Variants in MAP2K6 observed in about 807,000 individuals in gnomAD.
MAP2K6 encodes the protein dual specificity mitogen-activated protein kinase kinase 6.
MAP2K6 carries 16 observed loss-of-function variants against 53.7 expected under a neutral mutation model. The ratio of observed to expected loss-of-function variants is 0.30; its 90% CI spans 0.20 to 0.45. The LOEUF is 0.45. MAP2K6 is among the 20% of genes least tolerant of loss of function. MAP2K6 has a pLI of 1.00. For synonymous variants in MAP2K6, 132 were observed against 143.1 expected (o/e 0.92, Z 0.55); for missense variants, 204 against 411.9 (o/e 0.50, Z 4.37).
intron 1 of MAP2K6, among the ~76,000 whole-genome samples, chr17:69,503,807 A>T (rs1909303237): frequency 1.3e-5 from 2 of 152,222 alleles, no homozygotes; most frequent in Admixed American, 1.3e-4. Flanking sequence ...CATATATGTT[A>T]TCTGCTTTGA....
At chr17:69,425,519 G>T (rs1049667393) in intron 1 of MAP2K6, among the ~76,000 whole-genome samples, 2 of 151,974 alleles carry the variant, frequency 1.3e-5, no homozygotes, top group Non-Finnish European at 2.9e-5. Flanking sequence ...CACTGTGTTG[G>T]CCAGGCTGGT....
chr17:69,517,868 C>T (rs887565257), intron 4 of MAP2K6, among the ~76,000 whole-genome samples: 1 of 152,100 alleles, frequency 6.6e-6, no homozygotes, highest in African/African-American at 2.4e-5. Flanking sequence ...TTAATTTTTA[C>T]AAAACTACCA....
At chr17:69,484,489 G>A (rs1908455074) in intron 1 of MAP2K6, among the ~76,000 whole-genome samples, 1 of 151,972 alleles carries the variant, frequency 6.6e-6, no homozygotes, top group Non-Finnish European at 1.5e-5. Context: ...AACGTAACAT[G>A]GTGTAGCTGC....
At chr17:69,487,261 A>G (rs1360917882) in intron 1 of MAP2K6, among the ~76,000 whole-genome samples, 1 of 152,244 alleles carries the variant, frequency 6.6e-6, no homozygotes, top group African/African-American at 2.4e-5. Context: ...ATACAATTAT[A>G]TGGGAAAGCC....
chr17:69,483,280 A>C (rs1411983854), intron 1 of MAP2K6, among the ~76,000 whole-genome samples: 1 of 152,064 alleles, frequency 6.6e-6, no homozygotes, highest in Non-Finnish European at 1.5e-5. Context: ...ATTAACATAC[A>C]AAAATCAATT....
At chr17:69,471,445 C>T (rs1210834700) in intron 1 of MAP2K6, among the ~76,000 whole-genome samples, 1 of 152,180 alleles carries the variant, frequency 6.6e-6, no homozygotes, top group Non-Finnish European at 1.5e-5. Flanking sequence ...ACTGCATGTT[C>T]TCACTTATAT....
chr17:69,440,990 A>G lies in MAP2K6; in HGVS notation c.16+25990A>G, dbSNP rs547595367. 7.9e-5 allele frequency among the ~76,000 whole-genome samples: 12 copies of G among 151,386 alleles called. No homozygotes were observed. The South Asian group carries it at 1.3e-3, about 16-fold the overall frequency. On this transcript the variant is annotated intron_variant, in intron 1 of 11. Coordinates refer to ENST00000590474, the MANE Select transcript of MAP2K6 (RefSeq NM_002758.4). ...GGGGCACATGCGTGAGTGTGTATAT[A>G]TGTGTGTGTGTGTGTATGTGTGTGT...
intron 10 of MAP2K6, among the ~76,000 whole-genome samples, chr17:69,530,691 C>T (rs1911037446): frequency 6.6e-6 from 1 of 152,146 alleles, no homozygotes. Flanking sequence ...TAAGTATGAA[C>T]ATTATTTTTC....
chr17:69,420,629 T>C (rs1200465086), intron 1 of MAP2K6, among the ~76,000 whole-genome samples: 1 of 152,244 alleles, frequency 6.6e-6, no homozygotes, highest in East Asian at 1.9e-4. Context: ...GTGACTTTCC[T>C]GAAGACAGTA....
chr17:69,480,493 A>C (rs571353613), intron 1 of MAP2K6, among the ~76,000 whole-genome samples: 1 of 152,346 alleles, frequency 6.6e-6, no homozygotes, highest in South Asian at 2.1e-4. Flanking sequence ...AATATGTTCA[A>C]CTGCAGAGAA....
At chr17:69,490,643 ATTAT>A (rs2145202267) in intron 1 of MAP2K6, among the ~76,000 whole-genome samples, 1 of 152,308 alleles carries the variant, frequency 6.6e-6, no homozygotes, top group Admixed American at 6.5e-5. Context: ...ATAACAGCAT[ATTAT>A]TTAATAATTT....
chr17:69,428,827 G>A (rs1906352708), intron 1 of MAP2K6, among the ~76,000 whole-genome samples: 1 of 151,134 alleles, frequency 6.6e-6, no homozygotes, highest in African/African-American at 2.4e-5. Context: ...GTCCTTGAAC[G>A]GACAGACTAC....
intron 8 of MAP2K6, among the ~76,000 whole-genome samples, chr17:69,524,114 C>T (rs943813929): frequency 6.6e-6 from 1 of 152,056 alleles, no homozygotes; most frequent in Non-Finnish European, 1.5e-5. Context: ...AAAGGCCCTG[C>T]CTTCTGATGC....
At chr17:69,471,653 C>A (rs1347522662) in intron 1 of MAP2K6, among the ~76,000 whole-genome samples, 3 of 151,952 alleles carry the variant, frequency 2.0e-5, no homozygotes, top group Non-Finnish European at 4.4e-5. Context: ...GCACGTGTAC[C>A]CTTGAATCTA....
intron 1 of MAP2K6, among the ~76,000 whole-genome samples, chr17:69,479,131 G>A (rs528540784): frequency 4.3e-4 from 65 of 152,220 alleles, no homozygotes; most frequent in Non-Finnish European, 8.2e-4. Context: ...TGGTGTGACC[G>A]GTGATCACAG....
intron 1 of MAP2K6, among the ~76,000 whole-genome samples, chr17:69,428,648 G>A (rs1250014950): frequency 2.0e-5 from 3 of 152,152 alleles, no homozygotes; most frequent in Non-Finnish European, 2.9e-5. Flanking sequence ...TGAAATGCAC[G>A]TAAGTTCTGG....
chr17:69,452,914 T>C (rs943129947), intron 1 of MAP2K6, among the ~76,000 whole-genome samples: 3 of 152,242 alleles, frequency 2.0e-5, no homozygotes, highest in South Asian at 2.1e-4. Flanking sequence ...TATTCAATTA[T>C]AGTCAGTTGG....
At chr17:69,525,121 T>G in intron 9 of MAP2K6, 143 bp downstream of exon 9, 1 of 579,910 alleles carries the variant, frequency 1.7e-6, no homozygotes, top group Non-Finnish European at 3.1e-6. Flanking sequence ...TTTTGAGTAA[T>G]AATTGTTTGT....
rs144879185 is a variant in MAP2K6, at chr17:69,489,202, A to G, written c.17-16578A>G. 6.1e-3 allele frequency among the ~76,000 whole-genome samples: 921 copies of G among 150,796 alleles called. 6 individuals carry two copies. Among genetic ancestry groups the G allele is most frequent in the Non-Finnish European group, 8.7e-3 (591 of 67,642 alleles). Reference sequence around the variant, plus strand: ...GCCATTGCACTCCGGCCTGGGCAACAAGAGTGAAACTCTGTCTCAAAAAAA... The same window carrying G: ...GCCATTGCACTCCGGCCTGGGCAACGAGAGTGAAACTCTGTCTCAAAAAAA... On this transcript the variant is annotated intron_variant, in intron 1 of 11. Transcript: ENST00000590474.
Sources: gnomAD v4.1 joint callset for allele counts (sites outside exome capture counted in the v4.1 genomes callset) on GRCh38, gnomAD v4.1.1 for gene constraint, MANE v1.5 for transcripts, NCBI Gene and HGNC (gene_info 2026-07-23, HGNC 2026-07-21) for gene names.